SMOC2: variants seen among roughly 807,000 people sequenced by gnomAD.
SMOC2 encodes SPARC related modular calcium binding 2.
Under a neutral mutation model 61.4 loss-of-function variants are expected in SMOC2, and 39 were observed. The ratio of observed to expected loss-of-function variants is 0.64; its 90% confidence interval spans 0.49 to 0.83. The LOEUF (loss-of-function observed/expected upper bound fraction) is 0.83. SMOC2 is among the 40% of genes least tolerant of loss of function. SMOC2 has a pLI of 0.00. For synonymous variants in SMOC2, 247 were observed against 239.9 expected (o/e 1.03, Z -0.27); for missense variants, 556 against 592.9 (o/e 0.94, Z 0.65).
intron 7 of SMOC2, among the ~76,000 whole-genome samples, chr6:168,578,339 A>T (rs1784852410): frequency 6.6e-6 from 1 of 152,196 alleles, no homozygotes; most frequent in African/African-American, 2.4e-5. Flanking sequence ...TAGCAATTAT[A>T]CTTGAATGAG....
intron 1 of SMOC2, among the ~76,000 whole-genome samples, chr6:168,502,942 A>G (rs1464005236): frequency 1.4e-5 from 2 of 146,994 alleles, no homozygotes; most frequent in African/African-American, 5.1e-5. Context: ...AATTTTTTGT[A>G]TTTTTAGTAG....
intron 1 of SMOC2, among the ~76,000 whole-genome samples, chr6:168,483,576 T>C (rs924362812): frequency 2.6e-5 from 4 of 152,098 alleles, no homozygotes; most frequent in Admixed American, 6.5e-5. Flanking sequence ...TCCAAAAACA[T>C]TTTTTTGTAT....
intron 2 of SMOC2, 151 bp downstream of exon 2, chr6:168,510,237 T>C: frequency 1.5e-6 from 1 of 683,134 alleles, no homozygotes; most frequent in Non-Finnish European, 2.3e-6. Flanking sequence ...GAAGAGTAAT[T>C]TCTATGAATT....
At chr6:168,633,902 G>C (rs111271701) in intron 9 of SMOC2, among the ~76,000 whole-genome samples, 52 of 152,232 alleles carry the variant, frequency 3.4e-4, no homozygotes, top group Non-Finnish European at 6.8e-4. Context: ...CATGGGGGTG[G>C]TTACCCCTAC....
chr6:168,607,418 A>G (rs1056219569), intron 8 of SMOC2, among the ~76,000 whole-genome samples: 1 of 152,140 alleles, frequency 6.6e-6, no homozygotes, highest in African/African-American at 2.4e-5. Flanking sequence ...ACCCTTAGGG[A>G]CAGGCACCCT....
intron 7 of SMOC2, among the ~76,000 whole-genome samples, chr6:168,558,299 G>A (rs755078954): frequency 2.6e-5 from 4 of 152,158 alleles, no homozygotes; most frequent in African/African-American, 4.8e-5. Context: ...GTCATGTACC[G>A]TGAAGGTGCA....
chr6:168,500,315 A>G (rs1008485405), intron 1 of SMOC2, among the ~76,000 whole-genome samples: 2 of 151,844 alleles, frequency 1.3e-5, no homozygotes, highest in African/African-American at 4.8e-5. Context: ...AGAAGAAGAA[A>G]AAAGAAAAAA....
At chr6:168,602,214 T>G (rs2115192448) in intron 8 of SMOC2, among the ~76,000 whole-genome samples, 1 of 152,182 alleles carries the variant, frequency 6.6e-6, no homozygotes, top group South Asian at 2.1e-4. Flanking sequence ...GCCCTCAAAC[T>G]TACCTAGTCT....
At chr6:168,481,573 T>A (rs1315661809) in intron 1 of SMOC2, among the ~76,000 whole-genome samples, 1 of 152,008 alleles carries the variant, frequency 6.6e-6, no homozygotes, top group African/African-American at 2.4e-5. Context: ...AGTTAACTAA[T>A]CACAAAATAA....
At chr6:168,574,418 A>G (rs1784747198) in intron 7 of SMOC2, among the ~76,000 whole-genome samples, 1 of 152,210 alleles carries the variant, frequency 6.6e-6, no homozygotes, top group African/African-American at 2.4e-5. Context: ...TGTGGGCAGC[A>G]CAGGGGAGAG....
At chr6:168,515,042 A>C (rs1332065873) in intron 2 of SMOC2, among the ~76,000 whole-genome samples, 2 of 152,276 alleles carry the variant, frequency 1.3e-5, no homozygotes, top group Middle Eastern at 3.4e-3. Context: ...TGTCAATTAA[A>C]CACAGATGTC....
intron 7 of SMOC2, among the ~76,000 whole-genome samples, chr6:168,563,668 C>T (rs953948411): frequency 7.9e-5 from 12 of 152,124 alleles, no homozygotes; most frequent in Admixed American, 2.0e-4. Context: ...ACCCTTGCCC[C>T]TCCTGCCACA....
At chr6:168,611,977 G>A (rs1179352347) in intron 9 of SMOC2, among the ~76,000 whole-genome samples, 1 of 152,192 alleles carries the variant, frequency 6.6e-6, no homozygotes, top group Non-Finnish European at 1.5e-5. Context: ...TCCCTGGGGA[G>A]GTGGAGACTG....
At chr6:168,501,935 C>G (rs962086100) in intron 1 of SMOC2, among the ~76,000 whole-genome samples, 2 of 152,256 alleles carry the variant, frequency 1.3e-5, no homozygotes, top group African/African-American at 4.8e-5. Context: ...ATACCTCACT[C>G]TGGCAGCTCT....
At chr6:168,489,341 T>C (rs552102005) in intron 1 of SMOC2, among the ~76,000 whole-genome samples, 1 of 150,192 alleles carries the variant, frequency 6.7e-6, no homozygotes, top group Non-Finnish European at 1.5e-5. Flanking sequence ...TCACACTGTT[T>C]TAGAGTGAAA....
At position 168,452,769 on chromosome 6, in the gene SMOC2, A is replaced by G. The variant is rs989717198; in HGVS notation, c.84+11315A>G. ...TTTTAATTTCGTTTTGTTTTGTTAAATTCCAAACATATCTGTAGGTTGTCT... is the reference window on the plus strand; with the variant it reads ...TTTTAATTTCGTTTTGTTTTGTTAAGTTCCAAACATATCTGTAGGTTGTCT... On this transcript the variant is annotated intron_variant, in intron 1 of 12. Coordinates refer to ENST00000356284, the MANE Select transcript of SMOC2 (RefSeq NM_001166412.2). The surrounding 1 kb of genome is among the most constrained non-coding windows in gnomAD (Gnocchi z 5.0). Among the ~76,000 whole-genome samples, 32 of 152,184 alleles carry G rather than the reference A, an allele frequency of 2.1e-4. No individual in the cohort carries two copies. The highest frequency in any genetic ancestry group is 2.1e-4 in the South Asian group (1 of 4,824).
At chr6:168,501,502 C>T (rs1782728286) in intron 1 of SMOC2, among the ~76,000 whole-genome samples, 1 of 152,066 alleles carries the variant, frequency 6.6e-6, no homozygotes, top group South Asian at 2.1e-4. Context: ...CAGGAACCTG[C>T]ATCATCTGTC....
At chr6:168,519,666 G>A (rs191123184) in intron 2 of SMOC2, among the ~76,000 whole-genome samples, 4 of 152,276 alleles carry the variant, frequency 2.6e-5, no homozygotes, top group East Asian at 3.9e-4. Flanking sequence ...CATCAGCAGA[G>A]CAGGGGCCTC....
chr6:168,549,758 C>T (rs753984089), intron 7 of SMOC2, among the ~76,000 whole-genome samples: 15 of 151,990 alleles, frequency 9.9e-5, no homozygotes, highest in Non-Finnish European at 2.1e-4. Flanking sequence ...ATTTGATCAC[C>T]GGCATATATT....
Sources: allele counts gnomAD v4.1 joint callset (sites outside exome capture counted in the v4.1 genomes callset), GRCh38; gene constraint gnomAD v4.1.1; non-coding constraint Gnocchi (gnomAD v3.1); transcripts MANE v1.5; gene names NCBI Gene and HGNC (gene_info 2026-07-23, HGNC 2026-07-21).